RIMS2: variants seen among roughly 807,000 people sequenced by gnomAD.
RIMS2 encodes regulating synaptic membrane exocytosis protein 2.
Under a neutral mutation model 174.4 loss-of-function variants are expected in RIMS2, and 59 were observed. That is an observed-to-expected ratio of 0.34 (90% CI 0.27 to 0.42). The LOEUF is 0.42. Among genes scored for constraint, RIMS2 ranks in the 10% least tolerant of loss-of-function variants. The pLI is 1.00. For missense variants in RIMS2, 1,620 were observed against 1,666.3 expected, an observed-to-expected ratio of 0.97 and a Z score of 0.48; for synonymous variants, 606 against 572.5, an observed-to-expected ratio of 1.06 and a Z score of -0.84.
At chr8:103,501,008 T>G in exon 1 of RIMS2, 1 of 1,611,608 alleles carries the variant, frequency 6.2e-7, no homozygotes, top group Non-Finnish European at 8.5e-7. Context: ...AAAATCATCC[T>G]GGCCGTCATG....
intron 19 of RIMS2, among the ~76,000 whole-genome samples, chr8:104,233,678 T>G (rs1448644939): frequency 6.6e-6 from 1 of 152,198 alleles, no homozygotes; most frequent in African/African-American, 2.4e-5. Context: ...GAAACTCCAT[T>G]GTTATCTTAT....
intron 3 of RIMS2, among the ~76,000 whole-genome samples, chr8:103,818,002 TAATAA>T (rs980419536): frequency 2.6e-4 from 39 of 151,936 alleles, no homozygotes; most frequent in African/African-American, 8.4e-4. Flanking sequence ...AATAGTGAAA[TAATAA>T]AATAAAATAA....
intron 19 of RIMS2, among the ~76,000 whole-genome samples, chr8:104,080,984 G>A (rs2097407011): frequency 6.6e-6 from 1 of 151,984 alleles, no homozygotes. Context: ...TAGCACATGG[G>A]AATGTCCATA....
intron 1 of RIMS2, among the ~76,000 whole-genome samples, chr8:103,549,095 A>T (rs553316932): frequency 6.6e-6 from 1 of 152,276 alleles, no homozygotes; most frequent in East Asian, 1.9e-4. Flanking sequence ...CATACTCAAC[A>T]TTCGAATTCA....
At chr8:103,776,803 T>C (rs1353484395) in intron 3 of RIMS2, among the ~76,000 whole-genome samples, 1 of 152,156 alleles carries the variant, frequency 6.6e-6, no homozygotes, top group Non-Finnish European at 1.5e-5. Flanking sequence ...ATGACAAAGA[T>C]GGGCAAAGTG....
intron 1 of RIMS2, among the ~76,000 whole-genome samples, chr8:103,671,954 A>G (rs1009418680): frequency 2.0e-5 from 3 of 152,236 alleles, no homozygotes; most frequent in African/African-American, 7.2e-5. Flanking sequence ...CCTCTGTAGC[A>G]TTCCAAAGTA....
At chr8:103,881,343 G>A (rs2099166517) in intron 3 of RIMS2, among the ~76,000 whole-genome samples, 1 of 151,398 alleles carries the variant, frequency 6.6e-6, no homozygotes, top group Admixed American at 6.6e-5. Context: ...TCAGAGATTT[G>A]ATGATTCTTT....
At chr8:103,885,515 G>C in exon 4 of RIMS2, 1 of 1,612,380 alleles carries the variant, frequency 6.2e-7, no homozygotes, top group Admixed American at 1.7e-5. Context: ...GCATTCCAAA[G>C]AATATATTGT....
chr8:104,205,558 T>C (rs1049565371), intron 19 of RIMS2, among the ~76,000 whole-genome samples: 27 of 151,950 alleles, frequency 1.8e-4, no homozygotes, highest in Non-Finnish European at 3.2e-4. Flanking sequence ...ATAACTTAAG[T>C]TGTGAGTTCT....
rs574119695 is a variant in RIMS2 at position 103,942,769 on chromosome 8, G to C, written c.2548-4G>C. 6 of 1,607,232 alleles carry C rather than the reference G, an allele frequency of 3.7e-6. No individual in the cohort carries two copies. The highest frequency in any genetic ancestry group is 5.1e-6 in the Non-Finnish European group (6 of 1,174,588). On this transcript the variant is annotated splice_region_variant and splice_polypyrimidine_tract_variant and intron_variant, in intron 13 of 23. Transcript: ENST00000504942. ...TAACCGTCCTTTGTCTCTTGGGTTT[G>C]TAGATTTTAATTGAATTAGAAACAG...
At position 103,717,546 on chromosome 8, in the gene RIMS2, T is replaced by C. The variant is rs76153404; in HGVS notation, c.387+20250T>C. On this transcript the variant is annotated intron_variant, in intron 2 of 23. Transcript: ENST00000504942. ...GTGCTACTTTTGTGTCCAGAGTTAATGCAGGATGCATAATGGTCTAATTAT... is the reference window on the plus strand; with the variant it reads ...GTGCTACTTTTGTGTCCAGAGTTAACGCAGGATGCATAATGGTCTAATTAT... 1.7e-3 allele frequency among the ~76,000 whole-genome samples: 254 copies of C among 152,334 alleles called. 1 individual carries two copies. Among genetic ancestry groups the C allele is most frequent in the African/African-American group, 5.5e-3 (230 of 41,578 alleles).
At chr8:103,846,655 A>G (rs946717330) in intron 3 of RIMS2, among the ~76,000 whole-genome samples, 7 of 152,140 alleles carry the variant, frequency 4.6e-5, no homozygotes, top group African/African-American at 1.7e-4. Flanking sequence ...AACAATGTGT[A>G]CATTAGTGTA....
chr8:104,106,271 T>C (rs1293655088), intron 19 of RIMS2, among the ~76,000 whole-genome samples: 1 of 149,510 alleles, frequency 6.7e-6, no homozygotes, highest in African/African-American at 2.5e-5. Flanking sequence ...AAGAGACTTT[T>C]ACAGTTTTAC....
intron 19 of RIMS2, among the ~76,000 whole-genome samples, chr8:104,031,480 A>C (rs1414999380): frequency 4.6e-5 from 7 of 152,068 alleles, no homozygotes; most frequent in Non-Finnish European, 1.5e-5. Flanking sequence ...TGTGCTTTGG[A>C]ATTTGAAATC....
At chr8:103,529,981 C>A (rs1836228298) in intron 1 of RIMS2, among the ~76,000 whole-genome samples, 6 of 152,008 alleles carry the variant, frequency 3.9e-5, no homozygotes, top group African/African-American at 1.5e-4. Flanking sequence ...GGAAAATGGT[C>A]TCAGACAGAA....
intron 1 of RIMS2, among the ~76,000 whole-genome samples, chr8:103,602,960 G>A (rs536706728): frequency 1.8e-4 from 28 of 152,100 alleles, no homozygotes; most frequent in Non-Finnish European, 3.4e-4. Context: ...TAGCAGCCTT[G>A]CTAGCATCTG....
At chr8:104,217,228 C>T (rs1334827697) in intron 19 of RIMS2, among the ~76,000 whole-genome samples, 2 of 151,714 alleles carry the variant, frequency 1.3e-5, no homozygotes, top group African/African-American at 4.9e-5. Context: ...AAATACTAAT[C>T]ATTTAATCTT....
chr8:103,992,886 CT>C (rs2094819323), intron 17 of RIMS2, among the ~76,000 whole-genome samples: 1 of 152,062 alleles, frequency 6.6e-6, no homozygotes, highest in South Asian at 2.1e-4. Flanking sequence ...CTGATAAGTC[CT>C]GGTAACTACT....
intron 3 of RIMS2, among the ~76,000 whole-genome samples, chr8:103,795,368 G>T (rs2098541521): frequency 6.6e-6 from 1 of 151,220 alleles, no homozygotes. Flanking sequence ...TCACTCATAG[G>T]TGGGAAATGA....
Sources: allele counts gnomAD v4.1 joint callset (sites outside exome capture counted in the v4.1 genomes callset), GRCh38; gene constraint gnomAD v4.1.1; transcripts MANE v1.5; gene names NCBI Gene and HGNC (gene_info 2026-07-23, HGNC 2026-07-21).